BCAR3: variants seen among roughly 807,000 people sequenced by gnomAD.
BCAR3 encodes the protein breast cancer anti-estrogen resistance protein 3.
BCAR3 carries 37 observed loss-of-function variants against 80.1 expected under a neutral mutation model. That is an observed-to-expected ratio of 0.46 (90% CI 0.36 to 0.61). The LOEUF is 0.61. BCAR3 is among the 20% of genes least tolerant of loss of function. The pLI is 0.00. For missense variants in BCAR3, 978 were observed against 1,068.2 expected, an observed-to-expected ratio of 0.92 and a Z score of 1.18; for synonymous variants, 389 against 418.9, an observed-to-expected ratio of 0.93 and a Z score of 0.87.
At chr1:93,781,676 C>T (rs1166327477) in intron 2 of BCAR3, among the ~76,000 whole-genome samples, 2 of 152,128 alleles carry the variant, frequency 1.3e-5, no homozygotes, top group Non-Finnish European at 2.9e-5. Context: ...AAGTTCTCAG[C>T]CATTATAATG....
At chr1:93,563,989 T>G (rs2101793279) in intron 11 of BCAR3, among the ~76,000 whole-genome samples, 1 of 152,288 alleles carries the variant, frequency 6.6e-6, no homozygotes, top group East Asian at 1.9e-4. Flanking sequence ...CCACCGTGCC[T>G]GGCCTATCAT....
rs1381317048 is a variant in BCAR3 at position 93,584,044 on chromosome 1, T to G, written c.1007A>C (p.His336Pro). ...QDRRALSLKAHQSESYLPIGC... is the reference protein window; with the variant it reads ...QDRRALSLKAPQSESYLPIGC... ...AATCGGCAGGTAGCTCTCTGACTGG[T>G]GGGCTTTGAGGGACAAGGCTCTTCT... The change falls in exon 6 of 12, where the codon CAC (histidine) becomes CCC (proline). Residue 336 changes from histidine to proline, a missense_variant. Transcript: ENST00000260502. The G allele has an allele frequency of 6.2e-7, 1 of 1,614,016 alleles. No homozygotes were observed.
intron 3 of BCAR3, among the ~76,000 whole-genome samples, chr1:93,594,040 G>A (rs545531892): frequency 9.9e-5 from 15 of 152,250 alleles, no homozygotes; most frequent in African/African-American, 3.4e-4. Context: ...AATATTGTAC[G>A]GCTTCATCTG....
In BCAR3 at chr1:93,659,745, C is replaced by A. The variant is rs567631149; in HGVS notation, c.317+14869G>T. 4.1e-4 allele frequency among the ~76,000 whole-genome samples: 63 copies of A among 152,140 alleles called. 2 individuals are homozygous for A. In the South Asian group the frequency reaches 0.013, roughly 32 times the overall value. On this transcript the variant is annotated intron_variant, in intron 2 of 11. Transcript: ENST00000260502. ...CCTTACACTCCAGCAAATTTAACTA[C>A]TTGGAATTACCTGTATCAATAGGCC...
chr1:93,636,476 C>G (rs1307120796), intron 3 of BCAR3, among the ~76,000 whole-genome samples: 1 of 152,088 alleles, frequency 6.6e-6, no homozygotes, highest in Non-Finnish European at 1.5e-5. Context: ...GGAGAGCAGG[C>G]CTTTGTCCAC....
At chr1:93,616,537 A>G (rs1439738299) in intron 3 of BCAR3, among the ~76,000 whole-genome samples, 1 of 152,216 alleles carries the variant, frequency 6.6e-6, no homozygotes, top group East Asian at 1.9e-4. Flanking sequence ...GCAGAGAACA[A>G]AGGGCTAGGG....
intron 2 of BCAR3, among the ~76,000 whole-genome samples, chr1:93,804,937 G>A (rs949958911): frequency 6.6e-6 from 1 of 152,086 alleles, no homozygotes; most frequent in African/African-American, 2.4e-5. Flanking sequence ...TGGAATTTCT[G>A]GACCCTAAGG....
chr1:93,816,096 A>C (rs1345030041), intron 2 of BCAR3, among the ~76,000 whole-genome samples: 2 of 152,194 alleles, frequency 1.3e-5, no homozygotes, highest in Non-Finnish European at 2.9e-5. Flanking sequence ...ACTATACTAG[A>C]AAATTCCAAG....
intron 5 of BCAR3, among the ~76,000 whole-genome samples, chr1:93,585,740 G>A (rs1673916332): frequency 6.6e-6 from 1 of 152,034 alleles, no homozygotes; most frequent in South Asian, 2.1e-4. Context: ...ATTGCCCTGA[G>A]TTTTTTTGTT....
At chr1:93,747,577 G>T (rs1651402958) in intron 2 of BCAR3, among the ~76,000 whole-genome samples, 1 of 151,504 alleles carries the variant, frequency 6.6e-6, no homozygotes, top group Admixed American at 6.6e-5. Context: ...TTAGTTTAGG[G>T]TCTCATTAGT....
At chr1:93,845,347 TTAAA>T (rs977764585) in intron 2 of BCAR3, among the ~76,000 whole-genome samples, 4 of 151,850 alleles carry the variant, frequency 2.6e-5, no homozygotes, top group Middle Eastern at 3.2e-3. Context: ...AAAGATTTGT[TTAAA>T]TAAATACAAT....
chr1:93,732,791 T>A (rs1445261469), intron 2 of BCAR3, among the ~76,000 whole-genome samples: 1 of 152,070 alleles, frequency 6.6e-6, no homozygotes, highest in Non-Finnish European at 1.5e-5. Context: ...CTCAGGAAAG[T>A]AAAGAGATCT....
chr1:93,642,387 C>G (rs757725161), intron 2 of BCAR3, 44 bp from the exon 3 acceptor site: 1 of 1,537,968 alleles, frequency 6.5e-7, no homozygotes, highest in Non-Finnish European at 9.0e-7. Flanking sequence ...GGGAACGATG[C>G]ATTCTTACAT....
At position 93,592,361 on chromosome 1, in the gene BCAR3, G is replaced by A. The variant is rs771489879; in HGVS notation, c.390C>T (p.Thr130=). ...CCAGCTCCTTCTTCAGTTTCTCGGGGGTCCTGTCCATGATGTGCCTCTCCT... is the reference window on the plus strand; with the variant it reads ...CCAGCTCCTTCTTCAGTTTCTCGGGAGTCCTGTCCATGATGTGCCTCTCCT... ...FSKERHIMDR[T]PEKLKKELEE... Residue 130 remains threonine, a synonymous_variant, in exon 4 of 12, where the codon ACC becomes ACT. Transcript: ENST00000260502. This position sits in a 1 kb window ranked among gnomAD's most constrained non-coding sequence, Gnocchi z 4.8. 1.8e-5 allele frequency: 29 copies of A among 1,605,416 alleles called. No individual in the cohort carries two copies. The highest frequency in any genetic ancestry group is 2.4e-5 in the Non-Finnish European group (28 of 1,179,422).
chr1:93,637,108 A>C (rs1383319856), intron 3 of BCAR3, among the ~76,000 whole-genome samples: 1 of 152,012 alleles, frequency 6.6e-6, no homozygotes. Flanking sequence ...AAAACAAAAC[A>C]AACAAAGCAG....
At chr1:93,728,907 A>T (rs533419797) in intron 2 of BCAR3, among the ~76,000 whole-genome samples, 1 of 152,072 alleles carries the variant, frequency 6.6e-6, no homozygotes, top group Non-Finnish European at 1.5e-5. Context: ...GAAAAAAAAA[A>T]TGCCTGTCCT....
At position 93,714,722 on chromosome 1, in the gene BCAR3, G is replaced by A. The variant is rs371291391; in HGVS notation, c.-62-8580C>T. ...CGCCTTTCTTTTTTTTTTTTCAGATGTCCTAAAACTTCATATAGTTCAAAG... is the reference window on the plus strand; with the variant it reads ...CGCCTTTCTTTTTTTTTTTTCAGATATCCTAAAACTTCATATAGTTCAAAG... On this transcript the variant is annotated intron_variant, in intron 2 of 13. Coordinates refer to the BCAR3 transcript ENST00000370244. Among the ~76,000 whole-genome samples the A allele has an allele frequency of 1.7e-3, 245 of 146,798 alleles. 1 individual carries two copies. The highest frequency in any genetic ancestry group is 5.9e-3 in the African/African-American group (235 of 39,718).
intron 2 of BCAR3, among the ~76,000 whole-genome samples, chr1:93,711,429 C>G (rs990371242): frequency 6.6e-6 from 1 of 152,150 alleles, no homozygotes; most frequent in Non-Finnish European, 1.5e-5. Flanking sequence ...GGGGAGTCCA[C>G]GTGGCAGCTA....
intron 3 of BCAR3, among the ~76,000 whole-genome samples, chr1:93,634,723 A>AACAAC (rs1675726193): frequency 6.7e-6 from 1 of 149,580 alleles, no homozygotes. Flanking sequence ...ACAACAACAA[A>AACAAC]AAAAAAACGG....
Sources: allele counts gnomAD v4.1 joint callset (sites outside exome capture counted in the v4.1 genomes callset), GRCh38; gene constraint gnomAD v4.1.1; non-coding constraint Gnocchi (gnomAD v3.1); transcripts MANE v1.5; gene names NCBI Gene and HGNC (gene_info 2026-07-23, HGNC 2026-07-21).